Variants in ALG10B observed in about 807,000 individuals in gnomAD.
ALG10B encodes the protein ALG10 alpha-1,2-glucosyltransferase B, also known as dol-P-Glc:Glc(2)Man(9)GlcNAc(2)-PP-Dol alpha-1,2-glucosyltransferase B.
ALG10B carries 27 observed loss-of-function variants against 38.7 expected under a neutral mutation model. The observed-to-expected ratio is 0.70, with a 90% confidence interval of 0.51 to 0.96. The LOEUF (loss-of-function observed/expected upper bound fraction) is 0.96. ALG10B is among the 40% of genes least tolerant of loss of function. The pLI, the probability that ALG10B is intolerant of heterozygous loss-of-function variation, is 0.00. For synonymous variants in ALG10B, 177 were observed against 193.3 expected (o/e 0.92, Z 0.70); for missense variants, 522 against 542.7 (o/e 0.96, Z 0.38).
rs1385200788 is a variant in ALG10B at position 38,326,810 on chromosome 12, T to G, written c.*5597T>G. ...AAAAATAGAGATTGAGGACATATTT[T>G]TAACATATATCCATGAGTCAACACT... is the stretch of plus-strand genomic sequence containing the variant. On this transcript the variant is annotated 3_prime_UTR_variant, in exon 3 of 3. Coordinates refer to ENST00000308742, the MANE Select transcript of ALG10B (RefSeq NM_001013620.4). 1 of 151,698 alleles carries G rather than the reference T, an allele frequency of 6.6e-6. No individual in the cohort carries two copies. Among genetic ancestry groups the G allele is most frequent in the Non-Finnish European group, 1.5e-5 (1 of 67,876 alleles). The allele number at this position is 151,698 out of a possible 1,614,324, so 9.4% of individuals were successfully genotyped here. A position where few individuals can be genotyped will look rare whatever the true frequency, so the allele number is the denominator to read the frequency against.
chr12:38,318,128 T>TA, intron 1 of ALG10B, 133 bp from the exon 2 acceptor site: 1 of 1,182,784 alleles, frequency 8.5e-7, no homozygotes, highest in South Asian at 1.3e-5. Context: ...GCCAAGGACT[T>TA]ACTTAATCTT....
Position 38,326,166 on chromosome 12 carries a change from T to G in ALG10B, c.*4953T>G, listed in dbSNP as rs1179683831. 2.1e-5 allele frequency: 3 copies of G among 142,780 alleles called. No individual in the cohort carries two copies. The highest frequency in any genetic ancestry group is 7.0e-5 in the Admixed American group (1 of 14,258). 8.8% of individuals were successfully genotyped at this position (142,780 alleles called of 1,614,324 possible). ...TTTCTTAAAACATGATGAGATATTT[T>G]GTGATTTTATTTTATTTTATTTTAT... On this transcript the variant is annotated 3_prime_UTR_variant, in exon 3 of 3. Transcript: ENST00000308742.
intron 2 of ALG10B, among the ~76,000 whole-genome samples, chr12:38,318,782 C>T (rs879762349): frequency 9.2e-5 from 14 of 152,104 alleles, no homozygotes; most frequent in Admixed American, 4.6e-4. Flanking sequence ...TCTTGTAAAA[C>T]GTATATATTC....
In ALG10B at chr12:38,326,709, G is replaced by A. The variant is rs944581571; in HGVS notation, c.*5496G>A. 2 of 151,154 alleles carry A rather than the reference G, an allele frequency of 1.3e-5. No homozygotes were observed. Among genetic ancestry groups the A allele is most frequent in the Admixed American group, 1.3e-4 (2 of 15,196 alleles). The allele number at this position is 151,154 out of a possible 1,614,324, so 9.4% of individuals were successfully genotyped here. On this transcript the variant is annotated 3_prime_UTR_variant, in exon 3 of 3. Transcript: ENST00000308742. ...TAGCTGTTAATTATTTTTTATATAGGGCATTTTTATGTATTTAATGTTGAC... is the reference window on the plus strand; with the variant it reads ...TAGCTGTTAATTATTTTTTATATAGAGCATTTTTATGTATTTAATGTTGAC...
rs1251516544 is a variant in ALG10B, at chr12:38,316,825, T to G, written c.-69T>G. On this transcript the variant is annotated 5_prime_UTR_variant, in exon 1 of 3. Transcript: ENST00000308742. ...AGCGCGCCCATTTCGAGCCCAAGTT[T>G]CCAGCTCGGGTTTCCGGGCTCAGAA... 1 of 1,612,842 alleles carries G rather than the reference T, an allele frequency of 6.2e-7. No individual in the cohort carries two copies. The highest frequency in any genetic ancestry group is 1.3e-5 in the African/African-American group (1 of 74,874).
At chr12:38,318,179 G>A (rs1945672356) in intron 1 of ALG10B, 82 bp from the exon 2 acceptor site, 1 of 1,531,986 alleles carries the variant, frequency 6.5e-7, no homozygotes, top group African/African-American at 1.4e-5. Context: ...TGTTGCTGGA[G>A]ATGAGACTTG....
Position 38,323,758 on chromosome 12 carries a change from TAGATG to T in ALG10B, c.*2549_*2553del. ...TGTTTTACCCAGACTTCTTAAAAAT[TAGATG>T]AGAGAGGACACTCAAAGAAATTATA... On this transcript the variant is annotated 3_prime_UTR_variant, in exon 3 of 3. Coordinates refer to ENST00000308742, the MANE Select transcript of ALG10B (RefSeq NM_001013620.4). The T allele has an allele frequency of 1.6e-6, 1 of 613,200 alleles. No individual in the cohort carries two copies. Among genetic ancestry groups the T allele is most frequent in the Non-Finnish European group, 2.9e-6 (1 of 347,520 alleles). The allele number at this position is 613,200 out of a possible 1,614,324, so 38.0% of individuals were successfully genotyped here.
rs1401198348 is a variant in ALG10B, at chr12:38,320,482, AG to A, written c.692del (p.Arg231LysfsTer17). On this transcript the variant is annotated frameshift_variant, in exon 3 of 3. Transcript: ENST00000308742. LOFTEE classifies it high-confidence loss of function. Reference protein sequence around the residue: ...PPIKGPFAEFRKILQFLLAYS... With the variant: ...PPIKGPFAEFXKILQFLLAYS... ...TATTAAAGGACCATTTGCAGAATTC[AG>A]AAAAATTCTTCAGTTTCTTTTGGCT... 6.2e-7 allele frequency: 1 copy of A among 1,614,088 alleles called. No homozygotes were observed. Among genetic ancestry groups the A allele is most frequent in the Non-Finnish European group, 8.5e-7 (1 of 1,179,952 alleles).
In ALG10B at chr12:38,326,511, A is replaced by C; in HGVS notation, c.*5298A>C. The stretch of plus-strand genomic sequence containing the variant: ...TATACCCTATTAAGGGTATAATTTC[A>C]AAATAATTGCTTTTTATTTAAAATA... On this transcript the variant is annotated 3_prime_UTR_variant, in exon 3 of 3. Coordinates refer to ENST00000308742, the MANE Select transcript of ALG10B (RefSeq NM_001013620.4). The C allele has an allele frequency of 9.7e-6, 1 of 103,400 alleles. No homozygotes were observed. Among genetic ancestry groups the C allele is most frequent in the Admixed American group, 1.1e-4 (1 of 9,236 alleles). 6.4% of individuals were successfully genotyped at this position (103,400 alleles called of 1,614,324 possible).
At position 38,326,082 on chromosome 12, in the gene ALG10B, A is replaced by T. The variant is rs1945741431; in HGVS notation, c.*4869A>T. On this transcript the variant is annotated 3_prime_UTR_variant, in exon 3 of 3. Transcript: ENST00000308742. The stretch of plus-strand genomic sequence containing the variant: ...GCCTTAGTGCAAGCTTGTTCAACCC[A>T]CAGGCCACATGCAGCCCAGGATGGC... The T allele has an allele frequency of 1.3e-5, 2 of 152,208 alleles. No homozygotes were observed. Among genetic ancestry groups the T allele is most frequent in the Non-Finnish European group, 2.9e-5 (2 of 68,026 alleles). The allele number at this position is 152,208 out of a possible 1,614,324, so 9.4% of individuals were successfully genotyped here.
chr12:38,320,519 C>G lies in ALG10B; in HGVS notation c.728C>G (p.Ser243Cys). 6.2e-7 allele frequency: 1 copy of G among 1,613,992 alleles called. No individual in the cohort carries two copies. Residue 243 changes from serine to cysteine, a missense_variant, in exon 3 of 3, where the codon TCC becomes TGC. Physicochemically the swap from Ser to Cys is moderately radical, Grantham distance 112. Coordinates refer to ENST00000308742, the MANE Select transcript of ALG10B (RefSeq NM_001013620.4). Reference sequence around the variant, plus strand: ...CAGTTTCTTTTGGCTTATTCCATGTCCTTTAAAAACTTGAGTATGCTTTTC... The same window carrying G: ...CAGTTTCTTTTGGCTTATTCCATGTGCTTTAAAAACTTGAGTATGCTTTTC... Reference protein sequence around the residue: ...ILQFLLAYSMSFKNLSMLFCL... With the variant: ...ILQFLLAYSMCFKNLSMLFCL...
chr12:38,317,156 C>G (rs958701027), intron 1 of ALG10B, 92 bp downstream of exon 1: 37 of 1,567,160 alleles, frequency 2.4e-5, no homozygotes, highest in Non-Finnish European at 3.2e-5. Flanking sequence ...TAACTCGTCC[C>G]TTTCCACCCC....
chr12:38,318,096 T>G, intron 1 of ALG10B, 165 bp from the exon 2 acceptor site: 1 of 896,424 alleles, frequency 1.1e-6, no homozygotes, highest in Non-Finnish European at 1.7e-6. Context: ...GGGCAAAAAA[T>G]AAGAAAAACT....
rs1994424 is a variant in ALG10B, at chr12:38,324,733, A to G, written c.*3520A>G. 1 of 152,156 alleles carries G rather than the reference A, an allele frequency of 6.6e-6. No homozygotes were observed. The highest frequency in any genetic ancestry group is 2.4e-5 in the African/African-American group (1 of 41,412). 9.4% of individuals were successfully genotyped at this position (152,156 alleles called of 1,614,324 possible). ...TCATTCACTTGAAACAACTGAGAAG[A>G]CCATTCTTAGGTGTTTAGATCCTTG... is the stretch of plus-strand genomic sequence containing the variant. On this transcript the variant is annotated 3_prime_UTR_variant, in exon 3 of 3. Transcript: ENST00000308742.
At position 38,329,263 on chromosome 12, in the gene ALG10B, T is replaced by G. The variant is rs531917140; in HGVS notation, c.*8050T>G. 3.8e-5 allele frequency: 15 copies of G among 391,204 alleles called. No homozygotes were observed. In the South Asian group the frequency reaches 1.4e-3, roughly 35 times the overall value. The allele number at this position is 391,204 out of a possible 1,614,324, so 24.2% of individuals were successfully genotyped here. A position where few individuals can be genotyped will look rare whatever the true frequency, so the allele number is the denominator to read the frequency against. ...TGTCATGATACCTCAAATTGATATA[T>G]GTTGTAATTATGAATTTAAGGAAGT... is the stretch of plus-strand genomic sequence containing the variant. On this transcript the variant is annotated 3_prime_UTR_variant, in exon 3 of 3. Transcript: ENST00000308742.
Position 38,325,263 on chromosome 12 carries a change from T to G in ALG10B, c.*4050T>G, listed in dbSNP as rs1245714020. ...GGCCTTTTCTTTGTCTTCTTAGAGT[T>G]ATTTCTGAAATGTGCATAGCCAGTC... On this transcript the variant is annotated 3_prime_UTR_variant, in exon 3 of 3. Transcript: ENST00000308742. 1.3e-5 allele frequency: 2 copies of G among 152,218 alleles called. No individual in the cohort carries two copies. The highest frequency in any genetic ancestry group is 1.9e-4 in the East Asian group (1 of 5,208). 9.4% of individuals were successfully genotyped at this position (152,218 alleles called of 1,614,324 possible).
At position 38,323,831 on chromosome 12, in the gene ALG10B, A is replaced by C. The variant is rs1945721537; in HGVS notation, c.*2618A>C. The C allele has an allele frequency of 1.4e-6, 1 of 697,266 alleles. No individual in the cohort carries two copies. The highest frequency in any genetic ancestry group is 2.0e-5 in the Admixed American group (1 of 49,180). The allele number at this position is 697,266 out of a possible 1,614,324, so 43.2% of individuals were successfully genotyped here. ...CTATAGTGGAGAACTAAATCTGGGA[A>C]GTCAAAATTGAAAAAAGAATGTGTA... is the stretch of plus-strand genomic sequence containing the variant. On this transcript the variant is annotated 3_prime_UTR_variant, in exon 3 of 3. Transcript: ENST00000308742.
At chr12:38,317,280 G>C in intron 1 of ALG10B, 1 of 722,854 alleles carries the variant, frequency 1.4e-6, no homozygotes, top group South Asian at 1.9e-5. Context: ...CCCCAGGGAG[G>C]AGTGATCTGG....
intron 2 of ALG10B, among the ~76,000 whole-genome samples, chr12:38,319,329 A>T (rs1325930951): frequency 6.6e-6 from 1 of 152,190 alleles, no homozygotes; most frequent in Non-Finnish European, 1.5e-5. Context: ...GAAGAAAGGC[A>T]TTGAACAATG....
Sources: gnomAD v4.1 joint callset for allele counts (sites outside exome capture counted in the v4.1 genomes callset) on GRCh38, gnomAD v4.1.1 for gene constraint, MANE v1.5 for transcripts, NCBI Gene and HGNC (gene_info 2026-07-23, HGNC 2026-07-21) for gene names.